Variants in TBL1XR1 observed in about 807,000 individuals in gnomAD.
TBL1XR1 encodes the protein F-box-like/WD repeat-containing protein TBL1XR1.
TBL1XR1 carries 5 observed loss-of-function variants against 66.9 expected under a neutral mutation model. That is an observed-to-expected ratio of 0.07 (90% CI 0.04 to 0.16). The LOEUF (loss-of-function observed/expected upper bound fraction) is 0.16. TBL1XR1 is among the 10% of genes least tolerant of loss of function. The probability of loss-of-function intolerance (pLI) is 1.00; values close to 1 mark genes in which losing one functional copy is unlikely to be tolerated. For synonymous variants in TBL1XR1, 210 were observed against 206.0 expected (o/e 1.02, Z -0.17); for missense variants, 238 against 623.2 (o/e 0.38, Z 6.58).
intron 1 of TBL1XR1, among the ~76,000 whole-genome samples, chr3:177,108,864 G>GA (rs1366363911): frequency 6.6e-5 from 10 of 152,242 alleles, no homozygotes; most frequent in African/African-American, 2.4e-4. Flanking sequence ...AAGGAAGGAA[G>GA]AAACAGAAAA....
At chr3:177,097,255 A>C (rs1723613816) in intron 2 of TBL1XR1, among the ~76,000 whole-genome samples, 1 of 152,234 alleles carries the variant, frequency 6.6e-6, no homozygotes, top group East Asian at 1.9e-4. Context: ...TTGGTAATGA[A>C]CTACAGAAAA....
intron 2 of TBL1XR1, among the ~76,000 whole-genome samples, chr3:177,096,825 AC>A (rs1336851205): frequency 6.6e-6 from 1 of 152,206 alleles, no homozygotes; most frequent in Non-Finnish European, 1.5e-5. Flanking sequence ...TTATAAATTA[AC>A]AAAAACCATG....
chr3:177,051,484 A>T lies in TBL1XR1; in HGVS notation c.427+20T>A. 2 of 1,560,220 alleles carry T rather than the reference A, an allele frequency of 1.3e-6. No individual in the cohort carries two copies. The highest frequency in any genetic ancestry group is 1.7e-6 in the Non-Finnish European group (2 of 1,160,870). ...ATAAATAAACCATGTAATTAAAAAA[A>T]AATTCTTGTCTGAGCTCACTTGCTA... On this transcript the variant is annotated intron_variant, in intron 5 of 15. Transcript: ENST00000457928.
intron 1 of TBL1XR1, among the ~76,000 whole-genome samples, chr3:177,113,267 C>T (rs1023870588): frequency 6.6e-6 from 1 of 152,006 alleles, no homozygotes; most frequent in African/African-American, 2.4e-5. Context: ...TAGAAAATTA[C>T]TAAAAGAAAA....
At chr3:177,143,592 T>C (rs978381471) in intron 1 of TBL1XR1, among the ~76,000 whole-genome samples, 1 of 152,218 alleles carries the variant, frequency 6.6e-6, no homozygotes, top group Non-Finnish European at 1.5e-5. Flanking sequence ...CCTGGCTCAG[T>C]GCCTGTGCAA....
At chr3:177,135,092 TC>T (rs1035870966) in intron 1 of TBL1XR1, among the ~76,000 whole-genome samples, 6 of 151,370 alleles carry the variant, frequency 4.0e-5, no homozygotes, top group Middle Eastern at 3.4e-3. Flanking sequence ...AACCTCTGTC[TC>T]CAGGTTCAAG....
intron 2 of TBL1XR1, among the ~76,000 whole-genome samples, chr3:177,082,738 TTA>T (rs374510003): frequency 0.01 from 658 of 63,220 alleles, 41 homozygotes; most frequent in Middle Eastern, 0.022. Context: ...AAGATAGAGA[TTA>T]TATATATATA....
intron 1 of TBL1XR1, among the ~76,000 whole-genome samples, chr3:177,150,046 T>C (rs1730700879): frequency 6.6e-6 from 1 of 152,200 alleles, no homozygotes; most frequent in East Asian, 1.9e-4. Context: ...ATACAATTTA[T>C]TCAATATTTA....
At position 177,051,056 on chromosome 3, in the gene TBL1XR1, T is replaced by C. The variant is rs1717008504; in HGVS notation, c.428-446A>G. ...TTACAAATTTTATTTAGAAATCAAA[T>C]GTAGATGTAAAAATTCATTTAACAA... On this transcript the variant is annotated intron_variant, in intron 5 of 15. Coordinates refer to ENST00000457928, the MANE Select transcript of TBL1XR1 (RefSeq NM_024665.7). 3.3e-5 allele frequency among the ~76,000 whole-genome samples: 5 copies of C among 152,148 alleles called. No homozygotes were observed. The South Asian group carries it at 1.0e-3, about 31-fold the overall frequency.
At chr3:177,133,666 C>G (rs531534423) in intron 1 of TBL1XR1, among the ~76,000 whole-genome samples, 1 of 151,938 alleles carries the variant, frequency 6.6e-6, no homozygotes, top group African/African-American at 2.4e-5. Flanking sequence ...CTTTGAGAGG[C>G]GGAGGCAGAT....
chr3:177,050,618 G>A lies in TBL1XR1; in HGVS notation c.428-8C>T, dbSNP rs755172052. On this transcript the variant is annotated splice_polypyrimidine_tract_variant and splice_region_variant and intron_variant, in intron 5 of 15. Coordinates refer to ENST00000457928, the MANE Select transcript of TBL1XR1 (RefSeq NM_024665.7). Reference sequence around the variant, plus strand: ...TCATATCAGTATGATTATCTGCATCGTGAAACACAAGTAAGCATTTCCAGT... The same window carrying A: ...TCATATCAGTATGATTATCTGCATCATGAAACACAAGTAAGCATTTCCAGT... 2.1e-5 allele frequency: 34 copies of A among 1,613,162 alleles called. No individual in the cohort carries two copies. The highest frequency in any genetic ancestry group is 2.3e-5 in the Non-Finnish European group (27 of 1,179,618).
In TBL1XR1 at chr3:177,158,212, T is replaced by C. The variant is rs1201267851; in HGVS notation, c.-122+38909A>G. ...CCTGCTGCAAATTCCACTGTAAATA[T>C]AGGATTTGTTTCTTTTCTTTTTTTT... On this transcript the variant is annotated intron_variant, in intron 1 of 15. Transcript: ENST00000457928. Among the ~76,000 whole-genome samples the C allele has an allele frequency of 3.5e-5, 5 of 143,872 alleles. No individual in the cohort carries two copies. The East Asian group carries it at 5.9e-4, about 17-fold the overall frequency. The allele number at this position is 143,872 out of a possible 152,430, so 94.4% of individuals were successfully genotyped here. A position where few individuals can be genotyped will look rare whatever the true frequency, so the allele number is the denominator to read the frequency against.
upstream of TBL1XR1, among the ~76,000 whole-genome samples, chr3:177,200,279 G>A (rs1015530513): frequency 1.3e-5 from 2 of 152,140 alleles, no homozygotes; most frequent in African/African-American, 2.4e-5. Context: ...GCAGCCTGGA[G>A]TGTTTTTAAA....
intron 1 of TBL1XR1, among the ~76,000 whole-genome samples, chr3:177,173,607 G>C (rs1330548031): frequency 6.6e-6 from 1 of 152,152 alleles, no homozygotes. Flanking sequence ...AACTGTCACA[G>C]GTCAGAGGAG....
intron 3 of TBL1XR1, among the ~76,000 whole-genome samples, chr3:177,056,681 A>C (rs576207666): frequency 6.6e-6 from 1 of 152,174 alleles, no homozygotes; most frequent in East Asian, 1.9e-4. Flanking sequence ...CCCCTCCCTA[A>C]AACTACTTTT....
intron 1 of TBL1XR1, among the ~76,000 whole-genome samples, chr3:177,192,127 G>A (rs576512235): frequency 2.0e-5 from 3 of 151,642 alleles, no homozygotes; most frequent in East Asian, 3.9e-4. Flanking sequence ...GCTGGGCGCG[G>A]TGGCTCACGC....
intron 1 of TBL1XR1, among the ~76,000 whole-genome samples, chr3:177,187,023 CGGGCG>C (rs371214413): frequency 5.9e-5 from 9 of 152,168 alleles, no homozygotes; most frequent in African/African-American, 2.2e-4. Flanking sequence ...AAAAATTAGC[CGGGCG>C]TGGTGGCGGG....
intron 1 of TBL1XR1, among the ~76,000 whole-genome samples, chr3:177,118,739 T>C (rs1726613828): frequency 6.6e-6 from 1 of 152,206 alleles, no homozygotes; most frequent in Admixed American, 6.5e-5. Context: ...GTTTGTATTT[T>C]AATGGGGGAG....
intron 2 of TBL1XR1, among the ~76,000 whole-genome samples, chr3:177,076,620 C>T (rs116642198): frequency 3.7e-4 from 56 of 152,282 alleles, no homozygotes; most frequent in Non-Finnish European, 6.2e-4. Context: ...TTTGCCCCTT[C>T]CATGCTGTAG....
Sources: allele counts gnomAD v4.1 joint callset (sites outside exome capture counted in the v4.1 genomes callset), GRCh38; gene constraint gnomAD v4.1.1; transcripts MANE v1.5; gene names NCBI Gene and HGNC (gene_info 2026-07-23, HGNC 2026-07-21).